ANO4: variants seen among roughly 807,000 people sequenced by gnomAD.
ANO4 encodes the protein anoctamin-4.
Under a neutral mutation model 141.9 loss-of-function variants are expected in ANO4, and 69 were observed. That is an observed-to-expected ratio of 0.49 (90% confidence interval 0.40 to 0.59). The LOEUF (loss-of-function observed/expected upper bound fraction) is 0.59. Ranked by LOEUF, ANO4 falls within the 20% of genes least tolerant of loss-of-function variation. The pLI is 0.00. For synonymous variants in ANO4, 350 were observed against 394.3 expected (o/e 0.89, Z 1.33); for missense variants, 894 against 1,162.2 (o/e 0.77, Z 3.36).
intron 22 of ANO4, among the ~76,000 whole-genome samples, chr12:101,106,430 A>G (rs1346989811): frequency 1.3e-5 from 2 of 152,046 alleles, no homozygotes; most frequent in Admixed American, 1.3e-4. Context: ...TCAAGATAAT[A>G]TCTCAAAATT....
At chr12:100,959,072 C>T (rs1446187711) in intron 5 of ANO4, among the ~76,000 whole-genome samples, 2 of 151,894 alleles carry the variant, frequency 1.3e-5, no homozygotes, top group East Asian at 3.9e-4. Context: ...TCAACCTTCT[C>T]ACCTGTTTTC....
chr12:100,912,392 CAAAAAAA>C (rs35934592), intron 2 of ANO4, among the ~76,000 whole-genome samples: 16 of 67,360 alleles, frequency 2.4e-4, no homozygotes, highest in Non-Finnish European at 3.5e-4. Flanking sequence ...AGGACTCTGT[CAAAAAAA>C]AAAAAAAAAA....
rs576266997 is a variant in ANO4 at position 100,815,364 on chromosome 12, C to G, written c.-141+20337C>G. Among the ~76,000 whole-genome samples, 3 of 152,166 alleles carry G rather than the reference C, an allele frequency of 2.0e-5. No individual in the cohort carries two copies. The East Asian group carries it at 5.8e-4, about 29-fold the overall frequency. On this transcript the variant is annotated intron_variant, in intron 1 of 27. Transcript: ENST00000392977. ...GACTTTGACAAGTCCTGGAACTTGC[C>G]TTTCAAAGTATTTTTGATATTTGAC...
intron 13 of ANO4, 65 bp downstream of exon 13, chr12:101,043,700 G>A: frequency 1.7e-6 from 2 of 1,168,222 alleles, no homozygotes; most frequent in Non-Finnish European, 2.6e-6. Flanking sequence ...AGGGATGGTG[G>A]GTAACTCTAT....
At chr12:100,755,453 C>T (rs992370632) in intron 3 of ANO4, among the ~76,000 whole-genome samples, 28 of 152,118 alleles carry the variant, frequency 1.8e-4, no homozygotes, top group African/African-American at 6.0e-4. Flanking sequence ...ATGGTGAGCA[C>T]CATGCAGGGA....
intron 3 of ANO4, among the ~76,000 whole-genome samples, chr12:100,770,977 G>T (rs528787938): frequency 6.6e-6 from 1 of 152,014 alleles, no homozygotes; most frequent in East Asian, 1.9e-4. Flanking sequence ...TTGAGAATCC[G>T]AATTTAACCT....
Position 101,039,983 on chromosome 12 carries a change from GAAC to G in ANO4, c.927_929del (p.Thr310del). 6.3e-7 allele frequency: 1 copy of G among 1,587,024 alleles called. No individual in the cohort carries two copies. The highest frequency in any genetic ancestry group is 8.6e-7 in the Non-Finnish European group (1 of 1,165,942). The stretch of plus-strand genomic sequence containing the variant: ...AGTTATAGAAGTAAAAACTCCATTC[GAAC>G]CCATGGAGCAGAAAACCACCGACAT... On this transcript the variant is annotated inframe_deletion, in exon 11 of 28. Transcript: ENST00000392977.
intron 5 of ANO4, among the ~76,000 whole-genome samples, chr12:100,944,983 C>T (rs943682031): frequency 2.0e-5 from 3 of 152,124 alleles, no homozygotes; most frequent in Non-Finnish European, 4.4e-5. Flanking sequence ...GCGATTTCAG[C>T]TTCCAGGAGT....
chr12:100,922,087 T>C (rs939396246), intron 2 of ANO4, 139 bp from the exon 3 acceptor site: 1 of 480,568 alleles, frequency 2.1e-6, no homozygotes, highest in Non-Finnish European at 3.4e-6. Context: ...TTTTCTTAAG[T>C]CCTTTGTCTA....
chr12:100,951,542 A>G (rs576405241), intron 5 of ANO4, among the ~76,000 whole-genome samples: 3 of 152,196 alleles, frequency 2.0e-5, no homozygotes, highest in Non-Finnish European at 4.4e-5. Flanking sequence ...AGGGACATGG[A>G]TGGAGCTGGA....
intron 3 of ANO4, among the ~76,000 whole-genome samples, chr12:100,924,018 T>A (rs932730352): frequency 6.6e-6 from 1 of 152,088 alleles, no homozygotes; most frequent in African/African-American, 2.4e-5. Flanking sequence ...ATCTGAGTTC[T>A]TTGTAGATTC....
intron 15 of ANO4, among the ~76,000 whole-genome samples, chr12:101,080,884 T>TAG (rs1566219617): frequency 1.0e-4 from 3 of 29,710 alleles, no homozygotes; most frequent in Non-Finnish European, 1.5e-4. Context: ...ATATATATAT[T>TAG]ATATATATAT....
intron 1 of ANO4, among the ~76,000 whole-genome samples, chr12:100,850,833 C>T (rs766140027): frequency 1.9e-4 from 29 of 152,054 alleles, no homozygotes; most frequent in Non-Finnish European, 4.1e-4. Flanking sequence ...AACACTTATA[C>T]TGTGCAATGT....
chr12:101,086,861 A>T (rs756951801), intron 17 of ANO4, 37 bp downstream of exon 17: 1 of 1,601,702 alleles, frequency 6.2e-7, no homozygotes, highest in Admixed American at 1.7e-5. Flanking sequence ...ACGGATCAAA[A>T]TGTGTGGGCT....
chr12:100,861,281 C>A (rs946891484), intron 1 of ANO4, among the ~76,000 whole-genome samples: 2 of 152,146 alleles, frequency 1.3e-5, no homozygotes, highest in African/African-American at 2.4e-5. Context: ...CTGGCTTCAC[C>A]TCTCAACAGT....
Position 101,063,745 on chromosome 12 carries a change from C to CTTTTTTTTTTTTTTTTTTTTTTTTTT in ANO4, c.1312+15352_1312+15377dup. ...ATGGATGGAAGGTTGTCCAGGTTAT[C>CTTTTTTTTTTTTTTTTTTTTTTTTTT]TTTTTTTTTTTTTTTTTTTTTTTTT... On this transcript the variant is annotated intron_variant, in intron 14 of 27. Transcript: ENST00000392977. Among the ~76,000 whole-genome samples, 8 of 24,772 alleles carry CTTTTTTTTTTTTTTTTTTTTTTTTTT rather than the reference C, an allele frequency of 3.2e-4. 3 individuals are homozygous for CTTTTTTTTTTTTTTTTTTTTTTTTTT. The highest frequency in any genetic ancestry group is 4.7e-4 in the Non-Finnish European group (7 of 14,944). 16.3% of individuals were successfully genotyped at this position (24,772 alleles called of 152,430 possible).
intron 8 of ANO4, among the ~76,000 whole-genome samples, chr12:100,994,862 G>T (rs2045298248): frequency 6.6e-6 from 1 of 152,168 alleles, no homozygotes; most frequent in Non-Finnish European, 1.5e-5. Context: ...TAAACCAGCA[G>T]TTGTCAGTGA....
chr12:100,808,711 G>A (rs2035213619), intron 1 of ANO4, among the ~76,000 whole-genome samples: 1 of 152,152 alleles, frequency 6.6e-6, no homozygotes, highest in Admixed American at 6.6e-5. Flanking sequence ...GTGTTTCTTT[G>A]ACACCGTAAA....
At chr12:101,004,938 C>A (rs1438200172) in intron 8 of ANO4, among the ~76,000 whole-genome samples, 1 of 152,096 alleles carries the variant, frequency 6.6e-6, no homozygotes, top group Non-Finnish European at 1.5e-5. Context: ...TAAATTTTAC[C>A]AACTTCCAGA....
Sources: allele counts gnomAD v4.1 joint callset (sites outside exome capture counted in the v4.1 genomes callset), GRCh38; gene constraint gnomAD v4.1.1; transcripts MANE v1.5; gene names NCBI Gene and HGNC (gene_info 2026-07-23, HGNC 2026-07-21).